Variants in ANKS1B observed in about 807,000 individuals in gnomAD.
ANKS1B encodes ankyrin repeat and sterile alpha motif domain-containing protein 1B.
In ANKS1B, 36 loss-of-function variants were observed where a neutral mutation model predicts 148.3. That is an observed-to-expected ratio of 0.24 (90% CI 0.19 to 0.32). ANKS1B has a LOEUF of 0.32. Among genes scored for constraint, ANKS1B ranks in the 10% least tolerant of loss-of-function variants. ANKS1B has a pLI of 1.00. For missense variants in ANKS1B, 1,157 were observed against 1,542.6 expected (o/e 0.75, Z 4.19); for synonymous variants, 542 against 560.8 (o/e 0.97, Z 0.47).
At chr12:99,225,184 C>A (rs892022454) in intron 14 of ANKS1B, among the ~76,000 whole-genome samples, 1 of 152,082 alleles carries the variant, frequency 6.6e-6, no homozygotes, top group African/African-American at 2.4e-5. Context: ...TGTTCCAAAT[C>A]TATTACAGCT....
intron 17 of ANKS1B, among the ~76,000 whole-genome samples, chr12:98,998,973 T>C (rs2099931305): frequency 6.6e-6 from 1 of 152,204 alleles, no homozygotes; most frequent in African/African-American, 2.4e-5. Context: ...TAAAGTAAAA[T>C]CAGTGGTTAT....
intron 15 of ANKS1B, among the ~76,000 whole-genome samples, chr12:99,101,462 T>C (rs186444028): frequency 1.5e-3 from 222 of 152,358 alleles, no homozygotes; most frequent in African/African-American, 5.0e-3. Context: ...AGAAGACAAG[T>C]GTTAAGAATA....
chr12:99,560,575 T>C (rs1480615099), intron 9 of ANKS1B, among the ~76,000 whole-genome samples: 2 of 152,184 alleles, frequency 1.3e-5, no homozygotes, highest in African/African-American at 4.8e-5. Flanking sequence ...CACACAACTT[T>C]TTTCATTTCA....
intron 12 of ANKS1B, among the ~76,000 whole-genome samples, chr12:99,354,524 A>G (rs2091782958): frequency 6.6e-6 from 1 of 152,072 alleles, no homozygotes; most frequent in Non-Finnish European, 1.5e-5. Flanking sequence ...TGTCTCACAT[A>G]TAACAGACAC....
At chr12:99,648,816 G>T in intron 9 of ANKS1B, 1 of 1,588,080 alleles carries the variant, frequency 6.3e-7, no homozygotes, top group Non-Finnish European at 8.6e-7. Context: ...ACTAGATGGG[G>T]CCTGGATGCT....
At chr12:99,018,736 G>C (rs901902683) in intron 17 of ANKS1B, among the ~76,000 whole-genome samples, 4 of 152,128 alleles carry the variant, frequency 2.6e-5, no homozygotes, top group Non-Finnish European at 5.9e-5. Flanking sequence ...CTGAGGTCAG[G>C]AGTTCAAACC....
intron 9 of ANKS1B, among the ~76,000 whole-genome samples, chr12:99,543,644 C>T (rs1430339054): frequency 2.0e-5 from 3 of 152,036 alleles, no homozygotes; most frequent in Admixed American, 6.6e-5. Context: ...GAATGAAGTA[C>T]TGATATATTT....
chr12:98,836,627 A>G (rs2099364932), intron 17 of ANKS1B, among the ~76,000 whole-genome samples: 1 of 152,196 alleles, frequency 6.6e-6, no homozygotes, highest in South Asian at 2.1e-4. Flanking sequence ...GAGTAGTGGA[A>G]TCCTACAACC....
chr12:99,954,110 A>G (rs561422383), intron 1 of ANKS1B, among the ~76,000 whole-genome samples: 1 of 152,366 alleles, frequency 6.6e-6, no homozygotes, highest in East Asian at 1.9e-4. Flanking sequence ...AATAGTAGCT[A>G]TAATAATGAG....
At chr12:99,300,046 T>C (rs2081399808) in intron 12 of ANKS1B, among the ~76,000 whole-genome samples, 2 of 152,156 alleles carry the variant, frequency 1.3e-5, no homozygotes, top group African/African-American at 4.8e-5. Context: ...AAAAGCCTGA[T>C]TTGAATAGCA....
chr12:99,244,190 A>G (rs117934973), intron 14 of ANKS1B, among the ~76,000 whole-genome samples, 152 bp downstream of exon 14: 3,211 of 152,258 alleles, frequency 0.021, 45 homozygotes, highest in Middle Eastern at 0.048. Context: ...GATGTTGCTT[A>G]TATGTCATTG....
chr12:99,505,913 C>G (rs2096707236), intron 9 of ANKS1B, among the ~76,000 whole-genome samples: 1 of 152,034 alleles, frequency 6.6e-6, no homozygotes, highest in East Asian at 1.9e-4. Flanking sequence ...TAAATGTGCT[C>G]AGAACACTTA....
intron 1 of ANKS1B, among the ~76,000 whole-genome samples, chr12:99,854,168 C>T (rs1005552713): frequency 5.3e-5 from 8 of 152,216 alleles, no homozygotes; most frequent in Non-Finnish European, 5.9e-5. Context: ...CCCACCACCG[C>T]GCCCAGCTAA....
At chr12:99,470,156 A>G (rs186052820) in intron 10 of ANKS1B, among the ~76,000 whole-genome samples, 1 of 151,964 alleles carries the variant, frequency 6.6e-6, no homozygotes, top group East Asian at 1.9e-4. Flanking sequence ...TTCATGAAAA[A>G]AAGAAATATT....
In ANKS1B at chr12:99,812,179, T is replaced by C; in HGVS notation, c.348A>G (p.Pro116=). The C allele has an allele frequency of 6.2e-7, 1 of 1,611,584 alleles. No individual in the cohort carries two copies. Among genetic ancestry groups the C allele is most frequent in the Non-Finnish European group, 8.5e-7 (1 of 1,178,314 alleles). ...CCTGTTCATTGACCCTGGAATGTGA[T>C]GGTCCATGATGAATAAGAATCTTCA... ...EIVKILIHHG[P]SHSRVNEQNN... Residue 116 remains proline (P), a synonymous_variant, in exon 3 of 27, where the codon CCA becomes CCG. Transcript: ENST00000683438.
At chr12:99,065,682 T>A (rs1285944619) in intron 16 of ANKS1B, among the ~76,000 whole-genome samples, 1 of 123,600 alleles carries the variant, frequency 8.1e-6, no homozygotes, top group African/African-American at 2.7e-5. Context: ...CATCCATCCA[T>A]CCAACCATCC....
intron 15 of ANKS1B, among the ~76,000 whole-genome samples, chr12:99,109,320 TAACAGCA>T (rs2059833362): frequency 6.6e-6 from 1 of 152,162 alleles, no homozygotes. Flanking sequence ...CTATTACATA[TAACAGCA>T]GTGAAATAAA....
At chr12:99,890,189 C>T (rs528790897) in intron 1 of ANKS1B, among the ~76,000 whole-genome samples, 1 of 152,198 alleles carries the variant, frequency 6.6e-6, no homozygotes, top group Non-Finnish European at 1.5e-5. Context: ...GGCTATGGTG[C>T]CCAGTTGTTT....
chr12:98,894,747 T>C (rs1339711780), intron 17 of ANKS1B: 5 of 985,448 alleles, frequency 5.1e-6, no homozygotes, highest in Admixed American at 1.2e-4. Flanking sequence ...TCTGTGCATC[T>C]TTCTGGGCGC....
Sources: allele counts gnomAD v4.1 joint callset (sites outside exome capture counted in the v4.1 genomes callset), GRCh38; gene constraint gnomAD v4.1.1; transcripts MANE v1.5; gene names NCBI Gene and HGNC (gene_info 2026-07-23, HGNC 2026-07-21).